The following CDH23 variants were observed in gnomAD, a reference collection of about 807,000 sequenced individuals.
CDH23 encodes cadherin-23.
Under a neutral mutation model 317.1 loss-of-function variants are expected in CDH23, and 189 were observed. That is an observed-to-expected ratio of 0.60 (90% CI 0.53 to 0.67). The LOEUF is 0.67. Ranked by LOEUF, CDH23 falls within the 30% of genes least tolerant of loss-of-function variation. The probability of loss-of-function intolerance (pLI) is 0.00; values close to 1 mark genes in which losing one functional copy is unlikely to be tolerated. For synonymous variants in CDH23, 1,839 were observed against 1,876.8 expected (o/e 0.98, Z 0.52); for missense variants, 4,401 against 4,592.4 (o/e 0.96, Z 1.20).
intron 46 of CDH23, chr10:71,790,827 A>C: frequency 2.0e-6 from 1 of 495,560 alleles, no homozygotes; most frequent in Non-Finnish European, 3.7e-6. Context: ...GCCGACAGGA[A>C]AGCACATCTG....
chr10:71,675,298 C>T (rs1455269522), intron 15 of CDH23, 122 bp downstream of exon 15: 7 of 789,908 alleles, frequency 8.9e-6, no homozygotes, highest in Non-Finnish European at 1.5e-5. Flanking sequence ...GTGGCTAGAG[C>T]ACTGGACTGG....
chr10:71,769,151 T>C (rs1840628440), intron 38 of CDH23, among the ~76,000 whole-genome samples: 1 of 152,264 alleles, frequency 6.6e-6, no homozygotes, highest in Non-Finnish European at 1.5e-5. Context: ...TAGAAGAGGT[T>C]ATTCCCTTTA....
intron 9 of CDH23, among the ~76,000 whole-genome samples, chr10:71,600,519 T>TC (rs1406019270): frequency 6.7e-6 from 1 of 148,628 alleles, no homozygotes; most frequent in Non-Finnish European, 1.5e-5. Flanking sequence ...CAGAACTTTT[T>TC]TTTTTTTTTT....
rs1839498498 is a variant in CDH23 at position 71,734,477 on chromosome 10, C to T, written c.4206+136C>T. 3 of 1,515,104 alleles carry T rather than the reference C, an allele frequency of 2.0e-6. No homozygotes were observed. In the African/African-American group the frequency reaches 4.1e-5, roughly 21 times the overall value. 93.9% of individuals were successfully genotyped at this position (1,515,104 alleles called of 1,614,324 possible). ...GGGTCTTGATAGCCTGAGGCTTCGC[C>T]ATGTCCAGCCATGCCACACCTTCCC... On this transcript the variant is annotated intron_variant, in intron 33 of 69. Transcript: ENST00000224721.
intron 28 of CDH23, 102 bp from the exon 29 acceptor site, chr10:71,723,943 G>A: frequency 1.5e-6 from 2 of 1,334,008 alleles, no homozygotes; most frequent in East Asian, 5.0e-5. Flanking sequence ...GTTTTGGCAG[G>A]ATGGGGTAGG....
intron 38 of CDH23, among the ~76,000 whole-genome samples, chr10:71,746,302 G>C (rs995116843): frequency 1.3e-4 from 20 of 152,352 alleles, no homozygotes; most frequent in Non-Finnish European, 2.2e-4. Flanking sequence ...CCAGAGCCAA[G>C]AGAAATTCTC....
At chr10:71,520,105 A>G (rs986845410) in intron 6 of CDH23, among the ~76,000 whole-genome samples, 2 of 152,290 alleles carry the variant, frequency 1.3e-5, no homozygotes. Flanking sequence ...CTCTCGCCTG[A>G]CCTGAAGAGT....
At chr10:71,618,215 G>GAC (rs1465045827) in intron 11 of CDH23, among the ~76,000 whole-genome samples, 1 of 152,106 alleles carries the variant, frequency 6.6e-6, no homozygotes, top group Non-Finnish European at 1.5e-5. Context: ...GCCATAAGAA[G>GAC]ACCCCTGCAT....
At chr10:71,721,690 G>A (rs1469262396) in intron 28 of CDH23, among the ~76,000 whole-genome samples, 1 of 152,202 alleles carries the variant, frequency 6.6e-6, no homozygotes, top group African/African-American at 2.4e-5. Flanking sequence ...GCCCGGATGT[G>A]CATCGAGGCC....
At chr10:71,603,557 G>C (rs971801764) in intron 9 of CDH23, among the ~76,000 whole-genome samples, 1 of 152,206 alleles carries the variant, frequency 6.6e-6, no homozygotes, top group South Asian at 2.1e-4. Flanking sequence ...GGAAGCATGG[G>C]TGTTTGGGCC....
chr10:71,620,813 A>G (rs1038088349), intron 11 of CDH23, among the ~76,000 whole-genome samples: 3 of 152,182 alleles, frequency 2.0e-5, no homozygotes, highest in Non-Finnish European at 4.4e-5. Context: ...CAGCCTCCAG[A>G]TGGGGCGGCC....
chr10:71,504,937 G>A lies in CDH23; in HGVS notation c.146-5145G>A, dbSNP rs538562032. ...TGTGTGAGCGTCTCCTGCAGGGAGA[G>A]TGGGGGCTGCTGTTTAAAAGTTTAT... is the stretch of plus-strand genomic sequence containing the variant. On this transcript the variant is annotated intron_variant, in intron 3 of 69. Transcript: ENST00000224721. Among the ~76,000 whole-genome samples, 5 of 152,350 alleles carry A rather than the reference G, an allele frequency of 3.3e-5. No individual in the cohort carries two copies. In the South Asian group the frequency reaches 8.3e-4, roughly 25 times the overall value.
chr10:71,754,216 T>C (rs1433714839), intron 38 of CDH23, among the ~76,000 whole-genome samples: 1 of 151,712 alleles, frequency 6.6e-6, no homozygotes, highest in Non-Finnish European at 1.5e-5. Context: ...CCCCCAGCCA[T>C]GGGTATTCCT....
chr10:71,648,369 C>T (rs1252259640), intron 14 of CDH23, among the ~76,000 whole-genome samples: 1 of 152,234 alleles, frequency 6.6e-6, no homozygotes, highest in Non-Finnish European at 1.5e-5. Flanking sequence ...AGCCAACAGC[C>T]TATGCTTTAG....
chr10:71,547,763 C>T (rs1013366999), intron 6 of CDH23, among the ~76,000 whole-genome samples: 2 of 152,178 alleles, frequency 1.3e-5, no homozygotes, highest in Non-Finnish European at 2.9e-5. Flanking sequence ...TTCATGGAGC[C>T]GGGGACACAG....
chr10:71,807,723 T>C lies in CDH23; in HGVS notation c.8516T>C (p.Ile2839Thr), dbSNP rs1325970332. 1.9e-6 allele frequency: 3 copies of C among 1,610,354 alleles called. No homozygotes were observed. In the Admixed American group the frequency reaches 5.0e-5, roughly 27 times the overall value. Reference sequence around the variant, plus strand: ...GAGGTGCGCGTTGTGCTAGAGGACATCAACGACCAGCCACCACGCTTCACC... The same window carrying C: ...GAGGTGCGCGTTGTGCTAGAGGACACCAACGACCAGCCACCACGCTTCACC... ...LQEVRVVLED[I>T]NDQPPRFTKA... The change falls in exon 59 of 70, where the codon ATC becomes ACC. Residue 2839 changes from isoleucine (I) to threonine (T), a missense_variant. Coordinates refer to ENST00000224721, the MANE Select transcript of CDH23 (RefSeq NM_022124.6).
At chr10:71,644,933 G>A (rs541287207) in intron 12 of CDH23, among the ~76,000 whole-genome samples, 23 of 152,368 alleles carry the variant, frequency 1.5e-4, no homozygotes, top group Admixed American at 7.2e-4. Flanking sequence ...GTGCAGGCAG[G>A]AAGAGGAAGT....
intron 6 of CDH23, among the ~76,000 whole-genome samples, chr10:71,561,485 G>A (rs1164884033): frequency 6.6e-6 from 1 of 152,190 alleles, no homozygotes; most frequent in Non-Finnish European, 1.5e-5. Flanking sequence ...CTGCATGTGA[G>A]AAGTGAGCTA....
intron 11 of CDH23, among the ~76,000 whole-genome samples, chr10:71,618,872 T>A (rs984730175): frequency 6.6e-6 from 1 of 152,146 alleles, no homozygotes; most frequent in African/African-American, 2.4e-5. Flanking sequence ...TGTGTCTCCA[T>A]CTCCTGCTAA....
Sources: allele counts gnomAD v4.1 joint callset (sites outside exome capture counted in the v4.1 genomes callset), GRCh38; gene constraint gnomAD v4.1.1; transcripts MANE v1.5; gene names NCBI Gene and HGNC (gene_info 2026-07-23, HGNC 2026-07-21).